MRPL21: variants seen among roughly 807,000 people sequenced by gnomAD.
MRPL21 encodes the protein mitochondrial ribosomal protein L21.
MRPL21 carries 20 observed loss-of-function variants against 27.3 expected under a neutral mutation model. That is an observed-to-expected ratio of 0.73 (90% CI 0.52 to 1.06). The LOEUF is 1.06. MRPL21 is among the 50% of genes least tolerant of loss of function. The probability of loss-of-function intolerance (pLI) is 0.00; values close to 1 mark genes in which losing one functional copy is unlikely to be tolerated. For synonymous variants in MRPL21, 98 were observed against 101.5 expected (o/e 0.97, Z 0.21); for missense variants, 249 against 251.4 (o/e 0.99, Z 0.06).
chr11:68,900,265 C>T (rs749178053), intron 2 of MRPL21, among the ~76,000 whole-genome samples: 1 of 152,144 alleles, frequency 6.6e-6, no homozygotes, highest in Non-Finnish European at 1.5e-5. Flanking sequence ...CTTGCAGTTA[C>T]GTCTTCTTTT....
chr11:68,894,332 G>A (rs1214529022), intron 4 of MRPL21, among the ~76,000 whole-genome samples: 1 of 152,200 alleles, frequency 6.6e-6, no homozygotes, highest in Non-Finnish European at 1.5e-5. Context: ...CCAGGCTGGA[G>A]TGCAGTGGCG....
intron 1 of MRPL21, among the ~76,000 whole-genome samples, chr11:68,903,308 A>G (rs1368866727): frequency 1.3e-5 from 2 of 152,198 alleles, no homozygotes; most frequent in Non-Finnish European, 2.9e-5. Context: ...CTTTTGCAGA[A>G]TGAGTTCAGA....
chr11:68,893,258 C>A lies in MRPL21; in HGVS notation c.449+145G>T. 2.0e-6 allele frequency: 3 copies of A among 1,471,174 alleles called. No individual in the cohort carries two copies. In the South Asian group the frequency reaches 4.2e-5, roughly 20 times the overall value. 91.1% of individuals were successfully genotyped at this position (1,471,174 alleles called of 1,614,324 possible). On this transcript the variant is annotated intron_variant, in intron 5 of 6. Coordinates refer to ENST00000362034, the MANE Select transcript of MRPL21 (RefSeq NM_181514.2). ...GGATGTTCTCATGGGCCCTAAATGT[C>A]CACTATTATTAAGTATAAATGTTGT...
intron 4 of MRPL21, among the ~76,000 whole-genome samples, chr11:68,895,196 AG>A (rs1285284681): frequency 6.6e-6 from 1 of 151,954 alleles, no homozygotes; most frequent in Non-Finnish European, 1.5e-5. Flanking sequence ...CCCGGAAGGC[AG>A]AGGTTGCAGT....
chr11:68,896,863 G>C (rs540082914), intron 3 of MRPL21, 185 bp from the exon 4 acceptor site: 1 of 668,484 alleles, frequency 1.5e-6, no homozygotes, highest in South Asian at 1.9e-5. Context: ...GCAGGCACAG[G>C]GTCAGTCTGC....
Position 68,903,736 on chromosome 11 carries a change from C to G in MRPL21, c.75G>C (p.Ser25=), listed in dbSNP as rs1858042143. The part of the protein sequence containing the change: ...SACSHSILRP[S]GPGAASLWSA... ...CCCAGGTCTCACCTGCTCCGGGCCCCGAAGGTCTCAGGATGCTGTGGCTGC... is the reference window on the plus strand; with the variant it reads ...CCCAGGTCTCACCTGCTCCGGGCCCGGAAGGTCTCAGGATGCTGTGGCTGC... Residue 25 remains serine (S), a synonymous_variant, in exon 1 of 7, where the codon TCG becomes TCC. Transcript: ENST00000362034. 6.2e-7 allele frequency: 1 copy of G among 1,613,198 alleles called. No individual in the cohort carries two copies. The highest frequency in any genetic ancestry group is 8.5e-7 in the Non-Finnish European group (1 of 1,180,042).
At chr11:68,893,509 C>T (rs367926470) in intron 4 of MRPL21, 54 bp from the exon 5 acceptor site, 1 of 1,610,486 alleles carries the variant, frequency 6.2e-7, no homozygotes, top group East Asian at 2.2e-5. Context: ...TGAGTAAGAA[C>T]AGTTGCTAAT....
At chr11:68,892,790 C>T (rs1340573571) in intron 6 of MRPL21, 100 bp downstream of exon 6, 1 of 1,550,768 alleles carries the variant, frequency 6.4e-7, no homozygotes, top group South Asian at 1.2e-5. Context: ...CCTGCCTGGG[C>T]TTCCTGTCCC....
Position 68,896,583 on chromosome 11 carries a change from AG to A in MRPL21, c.327del (p.Ser110LeufsTer4), listed in dbSNP as rs1401487287. ...TTTCCAATTAAGATCAGGTCTTCAG[AG>A]GTCACCTTCCACTGGCGGCTGGCAA... ...VHFASRQWKV[T>X]SEDLILIGNE... On this transcript the variant is annotated frameshift_variant, in exon 4 of 7. Coordinates refer to ENST00000362034, the MANE Select transcript of MRPL21 (RefSeq NM_181514.2). LOFTEE classifies it high-confidence loss of function. 6.2e-7 allele frequency: 1 copy of A among 1,614,228 alleles called. No homozygotes were observed. The highest frequency in any genetic ancestry group is 1.1e-5 in the South Asian group (1 of 91,090).
rs1463094937 is a variant in MRPL21 at position 68,896,493 on chromosome 11, CAG to C, written c.396+20_396+21del. ...CTTGGTGGCTGAGTCCCTGAATATCCAGAGAAGCTCGGTGGTCTCACCTTCTC... is the reference window on the plus strand; with the variant it reads ...CTTGGTGGCTGAGTCCCTGAATATCCAGAAGCTCGGTGGTCTCACCTTCTC... On this transcript the variant is annotated intron_variant, in intron 4 of 6. Transcript: ENST00000362034. The C allele has an allele frequency of 6.2e-6, 10 of 1,612,710 alleles. No homozygotes were observed. The highest frequency in any genetic ancestry group is 6.8e-6 in the Non-Finnish European group (8 of 1,178,888).
intron 5 of MRPL21, 58 bp from the exon 6 acceptor site, chr11:68,893,051 A>C: frequency 6.8e-7 from 1 of 1,473,294 alleles, no homozygotes; most frequent in Non-Finnish European, 9.0e-7. Flanking sequence ...CAAATGCCTT[A>C]GGTGAGAATT....
Position 68,897,939 on chromosome 11 carries a change from T to C in MRPL21, c.220A>G (p.Arg74Gly). 1 of 1,614,128 alleles carries C rather than the reference T, an allele frequency of 6.2e-7. No individual in the cohort carries two copies. Among genetic ancestry groups the C allele is most frequent in the Non-Finnish European group, 8.5e-7 (1 of 1,179,970 alleles). ...VVLPDPVEET[R>G]HHAEVVKKVN... is the part of the protein sequence containing the mutation. ...AGGGAGGTCTTACCTGCATGGTGTC[T>C]GGTCTCCTCAACTGGGTCTGGCAGA... Residue 74 changes from arginine to glycine, a missense_variant, in exon 3 of 7, where the codon AGA becomes GGA. Transcript: ENST00000362034.
intron 3 of MRPL21, among the ~76,000 whole-genome samples, chr11:68,897,187 C>T (rs1857815787): frequency 6.6e-6 from 1 of 152,144 alleles, no homozygotes; most frequent in Admixed American, 6.5e-5. Flanking sequence ...ACGCCTGTGC[C>T]CAGAGGGGCT....
At chr11:68,891,859 T>C (rs925424500) in intron 6 of MRPL21, 7 of 474,030 alleles carry the variant, frequency 1.5e-5, no homozygotes, top group African/African-American at 1.3e-4. Context: ...TAGCAAGAGC[T>C]GTGAGGGACA....
Position 68,903,787 on chromosome 11 carries a change from G to A in MRPL21, c.24C>T (p.Val8=), listed in dbSNP as rs753547437. ...ACGCGGACGCCAGCCGCCCTAAGGTGACCGTCAGGGAAGATGCTGCCATGG... is the reference window on the plus strand; with the variant it reads ...ACGCGGACGCCAGCCGCCCTAAGGTAACCGTCAGGGAAGATGCTGCCATGG... The part of the protein sequence containing the change: MAASSLT[V]TLGRLASACS... Residue 8 remains valine, a synonymous_variant, in exon 1 of 7, where the codon GTC becomes GTT. Coordinates refer to ENST00000362034, the MANE Select transcript of MRPL21 (RefSeq NM_181514.2). 6.2e-7 allele frequency: 1 copy of A among 1,606,842 alleles called. No homozygotes were observed. The highest frequency in any genetic ancestry group is 8.5e-7 in the Non-Finnish European group (1 of 1,176,520).
At chr11:68,901,351 G>C (rs781224377) in intron 1 of MRPL21, among the ~76,000 whole-genome samples, 1 of 152,134 alleles carries the variant, frequency 6.6e-6, no homozygotes, top group Non-Finnish European at 1.5e-5. Context: ...GTTTTAAGCT[G>C]CTAAGTTTTG....
intron 2 of MRPL21, 116 bp from the exon 3 acceptor site, chr11:68,898,128 C>G (rs1857846471): frequency 1.2e-6 from 1 of 830,198 alleles, no homozygotes. Context: ...AAAAGGCTCG[C>G]TCTTTCGGAC....
chr11:68,896,039 C>T (rs1367360566), intron 4 of MRPL21, among the ~76,000 whole-genome samples: 1 of 152,174 alleles, frequency 6.6e-6, no homozygotes, highest in Non-Finnish European at 1.5e-5. Context: ...TGCCTGTCAA[C>T]CAGTGTTTAC....
chr11:68,898,469 C>A (rs1171174141), intron 2 of MRPL21, among the ~76,000 whole-genome samples: 2 of 152,238 alleles, frequency 1.3e-5, no homozygotes, highest in Admixed American at 1.3e-4. Flanking sequence ...CCTGCTCAAA[C>A]AGGACCATGA....
Sources: gnomAD v4.1 joint callset for allele counts (sites outside exome capture counted in the v4.1 genomes callset) on GRCh38, gnomAD v4.1.1 for gene constraint, MANE v1.5 for transcripts, NCBI Gene and HGNC (gene_info 2026-07-23, HGNC 2026-07-21) for gene names.